STAB2: variants seen among roughly 807,000 people sequenced by gnomAD.
The protein encoded by STAB2 is stabilin 2.
In STAB2, 288 loss-of-function variants were observed where a neutral mutation model predicts 338.1. The ratio of observed to expected loss-of-function variants is 0.85; its 90% CI spans 0.77 to 0.94. STAB2 has a LOEUF of 0.94. Ranked by LOEUF, STAB2 falls within the 40% of genes least tolerant of loss-of-function variation. STAB2 has a pLI of 0.00. For synonymous variants in STAB2, 1,202 were observed against 1,193.3 expected, an observed-to-expected ratio of 1.01 and a Z score of -0.15; for missense variants, 3,141 against 3,210.1, an observed-to-expected ratio of 0.98 and a Z score of 0.52.
Position 103,652,620 on chromosome 12 carries a change from G to A in STAB2, c.1322G>A (p.Gly441Asp), listed in dbSNP as rs771610601. The A allele has an allele frequency of 1.9e-6, 3 of 1,610,752 alleles. No individual in the cohort carries two copies. The highest frequency in any genetic ancestry group is 2.2e-5 in the East Asian group (1 of 44,826). The part of the protein sequence containing the change: ...QYFVKLHIIA[G>D]QMNIEYMNNT... ...TTTGTGAAACTCCACATAATTGCTG[G>A]TCAGATGAACATCGAATATATGAAT... is the stretch of plus-strand genomic sequence containing the variant. The change falls in exon 12 of 69, where the codon GGT becomes GAT. Residue 441 changes from glycine (G) to aspartate (D), a missense_variant. By Grantham distance (94) the Gly-to-Asp change is moderately conservative. Transcript: ENST00000388887.
chr12:103,760,449 T>TG (rs1031779464), intron 65 of STAB2, among the ~76,000 whole-genome samples: 1 of 152,118 alleles, frequency 6.6e-6, no homozygotes, highest in African/African-American at 2.4e-5. Flanking sequence ...TTAATAGAGA[T>TG]GGGGTTTTGC....
chr12:103,611,523 T>C (rs1957122245), intron 3 of STAB2, among the ~76,000 whole-genome samples: 2 of 152,186 alleles, frequency 1.3e-5, no homozygotes, highest in South Asian at 4.1e-4. Flanking sequence ...CTGCCTTTTT[T>C]TGTTTTCCAT....
At chr12:103,758,448 T>A (rs1884295869) in intron 64 of STAB2, among the ~76,000 whole-genome samples, 159 bp downstream of exon 64, 1 of 151,816 alleles carries the variant, frequency 6.6e-6, no homozygotes, top group African/African-American at 2.4e-5. Context: ...CTTGGCACAC[T>A]CGGGTCTGAG....
chr12:103,759,147 G>C lies in STAB2; in HGVS notation c.7122G>C (p.Arg2374=), dbSNP rs373100860. The C allele has an allele frequency of 7.4e-6, 12 of 1,614,124 alleles. No homozygotes were observed. Among genetic ancestry groups the C allele is most frequent in the South Asian group, 6.6e-5 (6 of 91,084 alleles). Residue 2374 remains arginine (R), a synonymous_variant, in exon 65 of 69, where the codon CGG becomes CGC. Transcript: ENST00000388887. ...TTTTTTCTCAGACCTTGTCTGGGCG[G>C]GACATCGAGCACCACCTCGCCAATG... ...GLGENETLSG[R]DIEHHLANVS...
In STAB2 at chr12:103,684,976, T is replaced by C; in HGVS notation, c.2902-13T>C. The C allele has an allele frequency of 1.2e-6, 2 of 1,612,900 alleles. No homozygotes were observed. The highest frequency in any genetic ancestry group is 1.7e-6 in the Non-Finnish European group (2 of 1,179,020). ...TGTTGGGGTAACCATTTCTTTCATC[T>C]TGGTTTTCTCAGGCAAGCTGTCAAT... On this transcript the variant is annotated splice_polypyrimidine_tract_variant and intron_variant, in intron 26 of 68. Transcript: ENST00000388887.
At chr12:103,645,395 C>T (rs1873255260) in intron 9 of STAB2, among the ~76,000 whole-genome samples, 1 of 152,184 alleles carries the variant, frequency 6.6e-6, no homozygotes, top group African/African-American at 2.4e-5. Context: ...TATGATTCTC[C>T]TGCAATCCTT....
intron 1 of STAB2, among the ~76,000 whole-genome samples, chr12:103,588,497 C>G (rs1193898293): frequency 6.6e-6 from 1 of 152,178 alleles, no homozygotes; most frequent in African/African-American, 2.4e-5. Context: ...CCATCATCAT[C>G]TTCTTAATCA....
chr12:103,671,898 T>C (rs1010463394), intron 22 of STAB2, among the ~76,000 whole-genome samples: 9 of 152,200 alleles, frequency 5.9e-5, no homozygotes, highest in African/African-American at 2.2e-4. Context: ...TTTTGACATA[T>C]ATTTCTAAGC....
At chr12:103,702,634 G>C (rs1006683958) in intron 34 of STAB2, among the ~76,000 whole-genome samples, 3 of 152,188 alleles carry the variant, frequency 2.0e-5, no homozygotes, top group African/African-American at 4.8e-5. Context: ...ACCATCATTA[G>C]CCTTTCTGAG....
intron 12 of STAB2, among the ~76,000 whole-genome samples, chr12:103,654,025 A>G (rs1010592355): frequency 1.3e-5 from 2 of 152,186 alleles, no homozygotes; most frequent in African/African-American, 4.8e-5. Context: ...TGGAGGATGC[A>G]TGCATGGATG....
chr12:103,676,268 A>G (rs1876359425), intron 24 of STAB2, among the ~76,000 whole-genome samples: 1 of 151,836 alleles, frequency 6.6e-6, no homozygotes, highest in South Asian at 2.1e-4. Flanking sequence ...CATGTTGGTC[A>G]GGCTGGTCTG....
intron 40 of STAB2, 50 bp downstream of exon 40, chr12:103,711,566 C>T (rs1446258221): frequency 6.3e-7 from 1 of 1,599,240 alleles, no homozygotes; most frequent in Non-Finnish European, 8.6e-7. Context: ...GGATTTTTTC[C>T]CAATATTGTC....
In STAB2 at chr12:103,587,454, A is replaced by G; in HGVS notation, c.-23A>G. On this transcript the variant is annotated 5_prime_UTR_variant, in exon 1 of 69. Coordinates refer to ENST00000388887, the MANE Select transcript of STAB2 (RefSeq NM_017564.10). ...AGTCAGCCTGACAGGTGCTTGGCACAGAGAAGGAGCAAATATTTCCTCATG... is the reference window on the plus strand; with the variant it reads ...AGTCAGCCTGACAGGTGCTTGGCACGGAGAAGGAGCAAATATTTCCTCATG... 2 of 1,605,488 alleles carry G rather than the reference A, an allele frequency of 1.2e-6. No homozygotes were observed. The highest frequency in any genetic ancestry group is 1.7e-6 in the Non-Finnish European group (2 of 1,173,352).
chr12:103,715,835 A>G lies in STAB2; in HGVS notation c.4558A>G (p.Asn1520Asp), dbSNP rs1288689991. 5 of 1,614,100 alleles carry G rather than the reference A, an allele frequency of 3.1e-6. No homozygotes were observed. The highest frequency in any genetic ancestry group is 4.2e-6 in the Non-Finnish European group (5 of 1,179,990). The change falls in exon 43 of 69, where the codon AAC (asparagine) becomes GAC (aspartate). Residue 1520 changes from asparagine (N) to aspartate (D), a missense_variant. Asn to Asp is a conservative substitution (Grantham distance 23, BLOSUM62 1). Coordinates refer to ENST00000388887, the MANE Select transcript of STAB2 (RefSeq NM_017564.10). ...VCLEINPCLE[N>D]HGGCDKNAEC... ...TAAAGAAATCAACCCGTGTTTGGAG[A>G]ACCATGGTGGCTGTGACAAGAATGC...
chr12:103,749,872 A>AAAAAAAAAAAG (rs58406423), intron 59 of STAB2, among the ~76,000 whole-genome samples: 1 of 131,480 alleles, frequency 7.6e-6, no homozygotes. Flanking sequence ...AAAAAAAAAA[A>AAAAAAAAAAAG]GCTGGTAAGA....
chr12:103,641,458 A>G (rs1200859589), intron 9 of STAB2, among the ~76,000 whole-genome samples: 4 of 152,216 alleles, frequency 2.6e-5, no homozygotes, highest in Non-Finnish European at 5.9e-5. Flanking sequence ...ATCTCTGAGA[A>G]GAAGATGGCA....
chr12:103,726,191 A>G lies in STAB2; in HGVS notation c.4851+28A>G, dbSNP rs749897643. ...AGGAAATATACATGTCTGTCTAGCC[A>G]TAAGAGTTCAGCCTAGGCCAGGTGC... is the stretch of plus-strand genomic sequence containing the variant. On this transcript the variant is annotated intron_variant, in intron 46 of 68. Transcript: ENST00000388887. 1.1e-5 allele frequency: 18 copies of G among 1,613,178 alleles called. No individual in the cohort carries two copies. The East Asian group carries it at 1.8e-4, about 16-fold the overall frequency.
chr12:103,652,715 C>A lies in STAB2; in HGVS notation c.1407+10C>A. On this transcript the variant is annotated intron_variant, in intron 12 of 68. Transcript: ENST00000388887. The stretch of plus-strand genomic sequence containing the variant: ...CTTCAACAGCGATAAGGTAAGGGTT[C>A]CTCTGATTTTCACTCCCAGAACTAA... 1 of 1,562,696 alleles carries A rather than the reference C, an allele frequency of 6.4e-7. No homozygotes were observed.
intron 3 of STAB2, among the ~76,000 whole-genome samples, chr12:103,613,633 C>T (rs1957163394): frequency 6.6e-6 from 1 of 152,170 alleles, no homozygotes; most frequent in Non-Finnish European, 1.5e-5. Context: ...CCTTGCACTT[C>T]CCGGGCGAGG....
Sources: allele counts gnomAD v4.1 joint callset (sites outside exome capture counted in the v4.1 genomes callset), GRCh38; gene constraint gnomAD v4.1.1; transcripts MANE v1.5; gene names NCBI Gene and HGNC (gene_info 2026-07-23, HGNC 2026-07-21).